DLG2: variants seen among roughly 807,000 people sequenced by gnomAD.
DLG2 encodes discs large MAGUK scaffold protein 2.
In DLG2, 45 loss-of-function variants were observed where a neutral mutation model predicts 132.5. The observed-to-expected ratio is 0.34, with a 90% CI of 0.27 to 0.44. DLG2 has a LOEUF of 0.44. DLG2 is among the 20% of genes least tolerant of loss of function. The pLI, the probability that DLG2 is intolerant of heterozygous loss-of-function variation, is 1.00. For missense variants in DLG2, 1,045 were observed against 1,196.9 expected (o/e 0.87, Z 1.87); for synonymous variants, 424 against 419.6 (o/e 1.01, Z -0.13).
intron 7 of DLG2, among the ~76,000 whole-genome samples, chr11:84,365,674 C>T (rs1264831008): frequency 1.3e-5 from 2 of 151,772 alleles, no homozygotes; most frequent in Admixed American, 1.3e-4. Context: ...CCTCTACACA[C>T]TGCTTTGAGT....
intron 7 of DLG2, among the ~76,000 whole-genome samples, chr11:84,365,879 A>G (rs1329331245): frequency 1.3e-5 from 2 of 152,036 alleles, no homozygotes; most frequent in Non-Finnish European, 2.9e-5. Context: ...ACCAAGTTGG[A>G]AAACACTCTG....
At chr11:84,774,582 C>A (rs1186389480) in intron 6 of DLG2, among the ~76,000 whole-genome samples, 1 of 152,038 alleles carries the variant, frequency 6.6e-6, no homozygotes, top group Non-Finnish European at 1.5e-5. Flanking sequence ...AACAGTATGG[C>A]ACTGGTACAA....
In DLG2 at chr11:83,651,995, T is replaced by C. The variant is rs1222356178; in HGVS notation, c.1826-18670A>G. The C allele has an allele frequency of 2.1e-4, 79 of 373,992 alleles. No individual in the cohort carries two copies. In the Admixed American group the frequency reaches 2.3e-3, roughly 11 times the overall value. The allele number at this position is 373,992 out of a possible 1,614,324, so 23.2% of individuals were successfully genotyped here. Reference sequence around the variant, plus strand: ...CACTTAAATTCAGCCTGTGTTGGTCTAATCAAATTTGGCCCTGTTAGAGAA... The same window carrying C: ...CACTTAAATTCAGCCTGTGTTGGTCCAATCAAATTTGGCCCTGTTAGAGAA... On this transcript the variant is annotated intron_variant, in intron 18 of 27. Coordinates refer to ENST00000376104, the MANE Select transcript of DLG2 (RefSeq NM_001142699.3).
At chr11:84,950,405 A>G (rs1027494606) in intron 6 of DLG2, among the ~76,000 whole-genome samples, 1 of 146,368 alleles carries the variant, frequency 6.8e-6, no homozygotes, top group Non-Finnish European at 1.5e-5. Flanking sequence ...GAAAATAGAT[A>G]TAACACAGAT....
chr11:84,854,230 T>G (rs115733284), intron 6 of DLG2, among the ~76,000 whole-genome samples: 92 of 152,086 alleles, frequency 6.0e-4, no homozygotes, highest in African/African-American at 2.2e-3. Flanking sequence ...ACTGGCCCTC[T>G]TACAATCTCT....
At chr11:84,605,537 T>G (rs2099583982) in intron 6 of DLG2, among the ~76,000 whole-genome samples, 1 of 151,370 alleles carries the variant, frequency 6.6e-6, no homozygotes. Context: ...TCAACATCTT[T>G]GCATATAAGC....
intron 6 of DLG2, among the ~76,000 whole-genome samples, chr11:85,030,808 A>G (rs2060937010): frequency 1.3e-5 from 2 of 151,828 alleles, no homozygotes; most frequent in Admixed American, 1.3e-4. Context: ...GTGTCTTTTG[A>G]TTCATTTTAT....
intron 6 of DLG2, among the ~76,000 whole-genome samples, chr11:84,727,870 G>T (rs182914037): frequency 2.0e-5 from 3 of 152,242 alleles, no homozygotes; most frequent in African/African-American, 7.2e-5. Flanking sequence ...TTGTGAATAG[G>T]AGTTAACTCA....
intron 3 of DLG2, among the ~76,000 whole-genome samples, chr11:85,368,533 G>T (rs77612117): frequency 1.3e-5 from 2 of 152,054 alleles, no homozygotes; most frequent in Admixed American, 6.6e-5. Context: ...TCTCTCACCC[G>T]GAGTATTTCA....
At chr11:83,685,774 A>C (rs1158091771) in intron 18 of DLG2, among the ~76,000 whole-genome samples, 12 of 151,986 alleles carry the variant, frequency 7.9e-5, no homozygotes, top group African/African-American at 2.4e-4. Flanking sequence ...TCTCTACTTG[A>C]TTGTTTAATA....
At chr11:83,468,980 C>A (rs954967190) in intron 25 of DLG2, among the ~76,000 whole-genome samples, 3 of 151,992 alleles carry the variant, frequency 2.0e-5, no homozygotes, top group Non-Finnish European at 4.4e-5. Context: ...AAGACAAAGC[C>A]CTCTTCCTAC....
intron 6 of DLG2, among the ~76,000 whole-genome samples, chr11:85,103,725 C>G (rs1016430868): frequency 2.0e-5 from 3 of 151,816 alleles, no homozygotes; most frequent in African/African-American, 4.8e-5. Flanking sequence ...ATAAATTAGA[C>G]TTTATCAAAA....
At chr11:85,021,130 T>A in intron 6 of DLG2, 1 of 808,658 alleles carries the variant, frequency 1.2e-6, no homozygotes, top group South Asian at 1.3e-5. Context: ...TGCTTTCAAC[T>A]TTCCAGACTT....
At chr11:84,752,497 A>C (rs1250826454) in intron 6 of DLG2, among the ~76,000 whole-genome samples, 1 of 151,874 alleles carries the variant, frequency 6.6e-6, no homozygotes, top group Admixed American at 6.6e-5. Context: ...TATCATTAGA[A>C]ATACATCTGT....
At chr11:83,742,782 A>T (rs1458734617) in intron 18 of DLG2, among the ~76,000 whole-genome samples, 1 of 152,078 alleles carries the variant, frequency 6.6e-6, no homozygotes, top group Non-Finnish European at 1.5e-5. Flanking sequence ...TAGAATTAGA[A>T]TTTTTCTGTC....
intron 18 of DLG2, among the ~76,000 whole-genome samples, chr11:83,705,762 C>G (rs2083821705): frequency 6.6e-6 from 1 of 152,088 alleles, no homozygotes; most frequent in African/African-American, 2.4e-5. Flanking sequence ...TACAGATTCT[C>G]TAGCAATGAA....
intron 6 of DLG2, among the ~76,000 whole-genome samples, chr11:84,742,149 G>T (rs1035650580): frequency 1.3e-5 from 2 of 151,966 alleles, no homozygotes; most frequent in Admixed American, 6.6e-5. Flanking sequence ...AAGCCTATAC[G>T]ATTTATGGGG....
In DLG2 at chr11:84,098,904, T is replaced by C. The variant is rs2092130903; in HGVS notation, c.749+19A>G. 1.9e-6 allele frequency: 3 copies of C among 1,610,686 alleles called. No homozygotes were observed. The highest frequency in any genetic ancestry group is 2.5e-6 in the Non-Finnish European group (3 of 1,178,498). ...AGCAGATTTACTTTCAAAATCATTC[T>C]AATGTTTCAGATCTTTACCTGAGTC... On this transcript the variant is annotated intron_variant, in intron 10 of 27. Transcript: ENST00000376104.
intron 6 of DLG2, among the ~76,000 whole-genome samples, chr11:84,967,513 T>G (rs879825645): frequency 3.3e-5 from 5 of 152,134 alleles, no homozygotes; most frequent in Non-Finnish European, 7.4e-5. Flanking sequence ...ATGTGGCAGA[T>G]AGAAAATGTG....
Sources: allele counts gnomAD v4.1 joint callset (sites outside exome capture counted in the v4.1 genomes callset), GRCh38; gene constraint gnomAD v4.1.1; transcripts MANE v1.5; gene names NCBI Gene and HGNC (gene_info 2026-07-23, HGNC 2026-07-21).